AGPAT4: variants seen among roughly 807,000 people sequenced by gnomAD.
AGPAT4 encodes the protein 1-acyl-sn-glycerol-3-phosphate acyltransferase delta.
Under a neutral mutation model 48.0 loss-of-function variants are expected in AGPAT4, and 15 were observed. That is an observed-to-expected ratio of 0.31 (90% CI 0.21 to 0.48). The LOEUF (loss-of-function observed/expected upper bound fraction) is 0.48. Ranked by LOEUF, AGPAT4 falls within the 20% of genes least tolerant of loss-of-function variation. The probability of loss-of-function intolerance (pLI) is 0.99; values close to 1 mark genes in which losing one functional copy is unlikely to be tolerated. For missense variants in AGPAT4, 314 were observed against 482.5 expected (o/e 0.65, Z 3.27); for synonymous variants, 178 against 198.7 (o/e 0.90, Z 0.88).
In AGPAT4 at chr6:161,136,425, T is replaced by C; in HGVS notation, c.*115A>G. The C allele has an allele frequency of 2.2e-6, 2 of 889,358 alleles. No individual in the cohort carries two copies. Among genetic ancestry groups the C allele is most frequent in the South Asian group, 3.0e-5 (2 of 65,960 alleles). The allele number at this position is 889,358 out of a possible 1,614,324, so 55.1% of individuals were successfully genotyped here. A position where few individuals can be genotyped will look rare whatever the true frequency, so the allele number is the denominator to read the frequency against. ...ACTCCCTGGCTGGAGAGGTCGTGACTTCCGCCGTGCCCAGCAGGGGCTCAC... is the reference window on the plus strand; with the variant it reads ...ACTCCCTGGCTGGAGAGGTCGTGACCTCCGCCGTGCCCAGCAGGGGCTCAC... On this transcript the variant is annotated 3_prime_UTR_variant, in exon 9 of 9. Transcript: ENST00000320285.
intron 2 of AGPAT4, among the ~76,000 whole-genome samples, chr6:161,167,418 C>T (rs1041259696): frequency 2.0e-5 from 3 of 152,128 alleles, no homozygotes; most frequent in Non-Finnish European, 4.4e-5. Flanking sequence ...TGTAAAGACG[C>T]AGTTTTGCCA....
chr6:161,252,702 C>A (rs896442673), intron 1 of AGPAT4, among the ~76,000 whole-genome samples: 1 of 152,092 alleles, frequency 6.6e-6, no homozygotes, highest in East Asian at 1.9e-4. Flanking sequence ...CCCAGTCACT[C>A]AGAAGGCTGA....
chr6:161,250,373 G>A (rs1333718614), intron 1 of AGPAT4, among the ~76,000 whole-genome samples: 1 of 152,108 alleles, frequency 6.6e-6, no homozygotes, highest in Non-Finnish European at 1.5e-5. Context: ...CAGTAGTTGA[G>A]ATTTTATTTT....
At chr6:161,179,598 C>T (rs1780529715) in intron 2 of AGPAT4, among the ~76,000 whole-genome samples, 1 of 152,196 alleles carries the variant, frequency 6.6e-6, no homozygotes, top group Non-Finnish European at 1.5e-5. Context: ...TGGGCTCAGA[C>T]TTCATTGGTC....
rs1330638778 is a variant in AGPAT4, at chr6:161,220,805, A to T, written c.178+11231T>A. ...ATTTTATTTTATTTTTATTTTTGAG[A>T]CAGAGTCTCACTCTGTCACCCAGGC... On this transcript the variant is annotated intron_variant, in intron 2 of 8. Coordinates refer to ENST00000320285, the MANE Select transcript of AGPAT4 (RefSeq NM_020133.3). This position sits in a 1 kb window ranked among gnomAD's most constrained non-coding sequence, Gnocchi z 6.0. 6.6e-6 allele frequency among the ~76,000 whole-genome samples: 1 copy of T among 151,980 alleles called. No individual in the cohort carries two copies. Among genetic ancestry groups the T allele is most frequent in the Non-Finnish European group, 1.5e-5 (1 of 68,004 alleles).
At chr6:161,186,681 T>G (rs1780779157) in intron 2 of AGPAT4, among the ~76,000 whole-genome samples, 1 of 151,964 alleles carries the variant, frequency 6.6e-6, no homozygotes, top group Non-Finnish European at 1.5e-5. Context: ...GACTGCAGGC[T>G]CCCCAGCAAG....
At chr6:161,181,920 T>C (rs868455315) in intron 2 of AGPAT4, among the ~76,000 whole-genome samples, 1 of 152,134 alleles carries the variant, frequency 6.6e-6, no homozygotes, top group African/African-American at 2.4e-5. Context: ...TCTTACTCTT[T>C]TATGTGTAAA....
At position 161,236,317 on chromosome 6, in the gene AGPAT4, C is replaced by T. The variant is rs937344135; in HGVS notation, c.-89-4015G>A. Among the ~76,000 whole-genome samples the T allele has an allele frequency of 2.6e-5, 4 of 151,920 alleles. No individual in the cohort carries two copies. The highest frequency in any genetic ancestry group is 9.7e-5 in the African/African-American group (4 of 41,362). Reference sequence around the variant, plus strand: ...TACTATCAAGGCCAAAAATGATGAACTCGTGTGCTTGACAAAGTAAAGATG... The same window carrying T: ...TACTATCAAGGCCAAAAATGATGAATTCGTGTGCTTGACAAAGTAAAGATG... On this transcript the variant is annotated intron_variant, in intron 1 of 8. Coordinates refer to ENST00000320285, the MANE Select transcript of AGPAT4 (RefSeq NM_020133.3). The surrounding 1 kb of genome is among the most constrained non-coding windows in gnomAD (Gnocchi z 5.0).
At chr6:161,162,388 C>G (rs924293216) in intron 3 of AGPAT4, among the ~76,000 whole-genome samples, 1 of 152,238 alleles carries the variant, frequency 6.6e-6, no homozygotes, top group African/African-American at 2.4e-5. Flanking sequence ...TGGCTCCTGC[C>G]CCGGGCGCCC....
Position 161,214,562 on chromosome 6 carries a change from T to C in AGPAT4, c.178+17474A>G, listed in dbSNP as rs1479670543. On this transcript the variant is annotated intron_variant, in intron 2 of 8. Transcript: ENST00000320285. The surrounding 1 kb of genome is among the most constrained non-coding windows in gnomAD (Gnocchi z 5.4). ...AGGCGGATCAATTGAAGTCAGGAGTTCGAGACCAGCCTAGCCAACATGGTG... is the reference window on the plus strand; with the variant it reads ...AGGCGGATCAATTGAAGTCAGGAGTCCGAGACCAGCCTAGCCAACATGGTG... 6.6e-6 allele frequency among the ~76,000 whole-genome samples: 1 copy of C among 152,102 alleles called. No homozygotes were observed. Among genetic ancestry groups the C allele is most frequent in the Non-Finnish European group, 1.5e-5 (1 of 68,016 alleles).
chr6:161,262,366 G>A lies in AGPAT4; in HGVS notation c.-90+11572C>T, dbSNP rs1258623124. Reference sequence around the variant, plus strand: ...GCGTGATGGAGCTGCAGCCATGGTGGCCAGCTGCCGCGTCTGTCCCTGCCA... The same window carrying A: ...GCGTGATGGAGCTGCAGCCATGGTGACCAGCTGCCGCGTCTGTCCCTGCCA... On this transcript the variant is annotated intron_variant, in intron 1 of 8. Coordinates refer to ENST00000320285, the MANE Select transcript of AGPAT4 (RefSeq NM_020133.3). The surrounding 1 kb of genome is among the most constrained non-coding windows in gnomAD (Gnocchi z 4.9). Among the ~76,000 whole-genome samples, 1 of 152,190 alleles carries A rather than the reference G, an allele frequency of 6.6e-6. No homozygotes were observed. Among genetic ancestry groups the A allele is most frequent in the Non-Finnish European group, 1.5e-5 (1 of 68,034 alleles).
intron 1 of AGPAT4, among the ~76,000 whole-genome samples, chr6:161,256,312 A>C (rs948561975): frequency 1.3e-5 from 2 of 152,210 alleles, no homozygotes; most frequent in Non-Finnish European, 2.9e-5. Context: ...CCAGGCACGC[A>C]TGGTGACGGC....
At position 161,198,452 on chromosome 6, in the gene AGPAT4, A is replaced by G. The variant is rs944867754; in HGVS notation, c.179-32035T>C. 6.6e-6 allele frequency among the ~76,000 whole-genome samples: 1 copy of G among 152,242 alleles called. No individual in the cohort carries two copies. Among genetic ancestry groups the G allele is most frequent in the African/African-American group, 2.4e-5 (1 of 41,474 alleles). ...CTACAATGCACAGAACAGCCCCATG[A>G]CAAAGAATGATCCAGTCCCAAGTGT... is the stretch of plus-strand genomic sequence containing the variant. On this transcript the variant is annotated intron_variant, in intron 2 of 8. Transcript: ENST00000320285. The surrounding 1 kb of genome is among the most constrained non-coding windows in gnomAD (Gnocchi z 4.3).
At chr6:161,153,865 A>G (rs972961726) in intron 4 of AGPAT4, among the ~76,000 whole-genome samples, 1 of 151,162 alleles carries the variant, frequency 6.6e-6, no homozygotes, top group Non-Finnish European at 1.5e-5. Context: ...CCACATGATC[A>G]CACACGGCCC....
chr6:161,156,292 G>A (rs1294895714), intron 3 of AGPAT4, among the ~76,000 whole-genome samples: 2 of 152,210 alleles, frequency 1.3e-5, no homozygotes, highest in East Asian at 1.9e-4. Context: ...TGTAAGTGAC[G>A]TCCTGTGGCC....
rs1005248803 is a variant in AGPAT4 at position 161,141,902 on chromosome 6, G to A, written c.844-2282C>T. 3.4e-4 allele frequency among the ~76,000 whole-genome samples: 51 copies of A among 152,004 alleles called. No individual in the cohort carries two copies. The highest frequency in any genetic ancestry group is 9.9e-4 in the African/African-American group (41 of 41,380). Reference sequence around the variant, plus strand: ...TTTTGAGACAGAGTCTCACTCTGTCGCACAGGCTGGAGTGCAATGGCACGA... The same window carrying A: ...TTTTGAGACAGAGTCTCACTCTGTCACACAGGCTGGAGTGCAATGGCACGA... On this transcript the variant is annotated intron_variant, in intron 7 of 8. Transcript: ENST00000320285. The surrounding 1 kb of genome is among the most constrained non-coding windows in gnomAD (Gnocchi z 6.7).
rs1197902911 is a variant in AGPAT4, at chr6:161,144,481, CAAG to C, written c.843+2040_843+2042del. Among the ~76,000 whole-genome samples the C allele has an allele frequency of 6.6e-6, 1 of 152,138 alleles. No individual in the cohort carries two copies. Among genetic ancestry groups the C allele is most frequent in the Non-Finnish European group, 1.5e-5 (1 of 68,030 alleles). On this transcript the variant is annotated intron_variant, in intron 7 of 8. Coordinates refer to ENST00000320285, the MANE Select transcript of AGPAT4 (RefSeq NM_020133.3). The surrounding 1 kb of genome is among the most constrained non-coding windows in gnomAD (Gnocchi z 6.6). ...GGAAAACACCCTAAGAGACTTTTAA[CAAG>C]AAGGAGATGTGCCTCTCAGCTTGGT...
rs1779017625 is a variant in AGPAT4, at chr6:161,134,941, C to CAAGT, written c.*1595_*1598dup. On this transcript the variant is annotated 3_prime_UTR_variant, in exon 9 of 9. Transcript: ENST00000320285. ...TAGGCTCTGCAGTACGCTCTTCCCA[C>CAAGT]AAGTCAGCCAGGATTTTTTCCCTTT... 1 of 152,294 alleles carries CAAGT rather than the reference C, an allele frequency of 6.6e-6. No homozygotes were observed. Among genetic ancestry groups the CAAGT allele is most frequent in the African/African-American group, 2.4e-5 (1 of 41,482 alleles). 9.4% of individuals were successfully genotyped at this position (152,294 alleles called of 1,614,324 possible). A position where few individuals can be genotyped will look rare whatever the true frequency, so the allele number is the denominator to read the frequency against.
chr6:161,162,032 T>G (rs1423901945), intron 3 of AGPAT4: 3 of 157,716 alleles, frequency 1.9e-5, no homozygotes, highest in African/African-American at 7.2e-5. Context: ...TGGTCTCAAA[T>G]TCCTGGCTTC....
Sources: gnomAD v4.1 joint callset for allele counts (sites outside exome capture counted in the v4.1 genomes callset) on GRCh38, gnomAD v4.1.1 for gene constraint, Gnocchi (gnomAD v3.1) non-coding constraint, MANE v1.5 for transcripts, NCBI Gene and HGNC (gene_info 2026-07-23, HGNC 2026-07-21) for gene names.